The following MRPS27 variants were observed in gnomAD, a reference collection of about 807,000 sequenced individuals.
MRPS27 encodes the protein small ribosomal subunit protein mS27.
Under a neutral mutation model 48.9 loss-of-function variants are expected in MRPS27, and 43 were observed. The observed-to-expected ratio is 0.88, with a 90% CI of 0.69 to 1.13. MRPS27 has a LOEUF of 1.13. MRPS27 is among the 50% of genes most tolerant of loss of function. The pLI, the probability that MRPS27 is intolerant of heterozygous loss-of-function variation, is 0.00. For synonymous variants in MRPS27, 188 were observed against 171.9 expected, an observed-to-expected ratio of 1.09 and a Z score of -0.73; for missense variants, 467 against 476.3, an observed-to-expected ratio of 0.98 and a Z score of 0.18.
chr5:72,280,624 C>T (rs1003946681), intron 4 of MRPS27, among the ~76,000 whole-genome samples: 1 of 152,184 alleles, frequency 6.6e-6, no homozygotes, highest in African/African-American at 2.4e-5. Context: ...ACAACTTTAG[C>T]CATTCTGAGC....
chr5:72,280,080 T>C (rs965315022), intron 4 of MRPS27, among the ~76,000 whole-genome samples: 25 of 152,234 alleles, frequency 1.6e-4, no homozygotes, highest in Non-Finnish European at 4.4e-5. Context: ...ACTAGTCTAT[T>C]TGTCTACATC....
chr5:72,235,276 G>GA (rs1191887975), intron 5 of MRPS27, among the ~76,000 whole-genome samples: 4 of 152,130 alleles, frequency 2.6e-5, no homozygotes, highest in Non-Finnish European at 5.9e-5. Flanking sequence ...CATTAAAGCT[G>GA]AAAGGGATTT....
At chr5:72,229,641 A>T (rs11746655) in intron 7 of MRPS27, 40,097 of 152,432 alleles carry the variant, frequency 0.26, 5,425 homozygotes, top group East Asian at 0.42. Context: ...AAGCCAAATG[A>T]ACACTAAAAT....
intron 4 of MRPS27, among the ~76,000 whole-genome samples, chr5:72,290,436 G>A (rs1749788220): frequency 6.6e-6 from 1 of 152,106 alleles, no homozygotes; most frequent in African/African-American, 2.4e-5. Context: ...CCCCATCTGC[G>A]ATCCTTAACA....
At chr5:72,260,526 T>G (rs1748936464) in intron 4 of MRPS27, among the ~76,000 whole-genome samples, 1 of 152,202 alleles carries the variant, frequency 6.6e-6, no homozygotes, top group African/African-American at 2.4e-5. Flanking sequence ...AAGCTACACT[T>G]AAAACATGTA....
intron 4 of MRPS27, among the ~76,000 whole-genome samples, chr5:72,240,804 T>G (rs980619525): frequency 1.3e-5 from 2 of 152,186 alleles, no homozygotes; most frequent in African/African-American, 2.4e-5. Context: ...CAAAAACCCT[T>G]CCTTCACAGA....
intron 1 of MRPS27, among the ~76,000 whole-genome samples, chr5:72,317,465 G>A (rs912906159): frequency 2.7e-5 from 4 of 150,446 alleles, no homozygotes; most frequent in South Asian, 2.1e-4. Flanking sequence ...ACCGGAAGGC[G>A]GAGGCCTTCC....
At chr5:72,316,445 G>T (rs548100588) in intron 1 of MRPS27, among the ~76,000 whole-genome samples, 1 of 152,258 alleles carries the variant, frequency 6.6e-6, no homozygotes, top group African/African-American at 2.4e-5. Flanking sequence ...TTGGCTCACT[G>T]CAATTTCCAC....
At chr5:72,242,510 T>C (rs1445515431) in intron 4 of MRPS27, among the ~76,000 whole-genome samples, 2 of 151,116 alleles carry the variant, frequency 1.3e-5, no homozygotes, top group Non-Finnish European at 1.5e-5. Context: ...ATGGGATTTC[T>C]TGTTTGACCA....
chr5:72,240,803 T>C (rs1748328291), intron 4 of MRPS27, among the ~76,000 whole-genome samples: 1 of 152,210 alleles, frequency 6.6e-6, no homozygotes, highest in African/African-American at 2.4e-5. Context: ...TCAAAAACCC[T>C]TCCTTCACAG....
intron 3 of MRPS27, 21 bp from the exon 4 acceptor site, chr5:72,295,610 C>T (rs370645185): frequency 6.3e-7 from 1 of 1,580,652 alleles, no homozygotes; most frequent in East Asian, 2.2e-5. Context: ...GAAAAAGAAA[C>T]CTTTGGTTGA....
intron 4 of MRPS27, among the ~76,000 whole-genome samples, chr5:72,268,675 T>C (rs1009450799): frequency 3.3e-5 from 5 of 152,352 alleles, no homozygotes; most frequent in African/African-American, 9.6e-5. Flanking sequence ...TGGAAGTGTT[T>C]CCTCTTTGAT....
In MRPS27 at chr5:72,223,940, G is replaced by T. The variant is rs995359319; in HGVS notation, c.838-90C>A. 2.6e-5 allele frequency: 33 copies of T among 1,279,384 alleles called. No homozygotes were observed. The Middle Eastern group carries it at 7.0e-4, about 27-fold the overall frequency. The allele number at this position is 1,279,384 out of a possible 1,614,324, so 79.3% of individuals were successfully genotyped here. A position where few individuals can be genotyped will look rare whatever the true frequency, so the allele number is the denominator to read the frequency against. On this transcript the variant is annotated intron_variant, in intron 9 of 10. Coordinates refer to ENST00000261413, the MANE Select transcript of MRPS27 (RefSeq NM_015084.3). ...GGCTAGAGAAGGCGAAAGAAAGGAA[G>T]AATGAGCTCTAAAAGACTGTGAAAA...
chr5:72,228,584 T>C (rs1747961294), intron 7 of MRPS27: 1 of 394,210 alleles, frequency 2.5e-6, no homozygotes, highest in African/African-American at 2.1e-5. Flanking sequence ...TTAATGGATT[T>C]TTGGGCAGTG....
At chr5:72,231,647 T>C (rs967113571) in intron 7 of MRPS27, among the ~76,000 whole-genome samples, 35 of 152,198 alleles carry the variant, frequency 2.3e-4, no homozygotes, top group African/African-American at 8.0e-4. Context: ...GACACTCATC[T>C]TAGAAAGGCA....
At chr5:72,292,592 T>G (rs567564450) in intron 4 of MRPS27, among the ~76,000 whole-genome samples, 1 of 152,334 alleles carries the variant, frequency 6.6e-6, no homozygotes, top group Admixed American at 6.5e-5. Context: ...CTGCTGGAAC[T>G]TGGAACTGTT....
chr5:72,258,795 CTCAGTCT>C, intron 4 of MRPS27, among the ~76,000 whole-genome samples: 1 of 152,180 alleles, frequency 6.6e-6, no homozygotes, highest in East Asian at 1.9e-4. Context: ...TGATAAACTA[CTCAGTCT>C]CAGGCATTCT....
intron 4 of MRPS27, among the ~76,000 whole-genome samples, chr5:72,272,786 C>A (rs1161418197): frequency 1.3e-5 from 2 of 152,174 alleles, no homozygotes; most frequent in African/African-American, 4.8e-5. Context: ...ACGACTACAA[C>A]AGAAACTGTG....
chr5:72,240,453 A>G (rs1044745543), intron 4 of MRPS27, among the ~76,000 whole-genome samples: 1 of 152,192 alleles, frequency 6.6e-6, no homozygotes, highest in Non-Finnish European at 1.5e-5. Flanking sequence ...GGAAAAAAAT[A>G]TATCAAATGC....
Sources: gnomAD v4.1 joint callset for allele counts (sites outside exome capture counted in the v4.1 genomes callset) on GRCh38, gnomAD v4.1.1 for gene constraint, MANE v1.5 for transcripts, NCBI Gene and HGNC (gene_info 2026-07-23, HGNC 2026-07-21) for gene names.